C8orf34: variants seen among roughly 807,000 people sequenced by gnomAD.
The protein encoded by C8orf34 is chromosome 8 open reading frame 34.
A neutral mutation model predicts 68.3 loss-of-function variants in C8orf34; 65 were observed. That is an observed-to-expected ratio of 0.95 (90% CI 0.78 to 1.17). The LOEUF is 1.17. Ranked by LOEUF, C8orf34 falls within the 50% of genes most tolerant of loss-of-function variation. C8orf34 has a pLI of 0.00. For missense variants in C8orf34, 664 were observed against 655.4 expected (o/e 1.01, Z -0.14); for synonymous variants, 244 against 241.2 (o/e 1.01, Z -0.11).
rs551263838 is a variant in C8orf34 at position 68,721,243 on chromosome 8, TATG to T, written c.1328-115_1328-113del. 6.9e-5 allele frequency: 45 copies of T among 650,770 alleles called. 1 individual carries two copies. The African/African-American group carries it at 8.4e-4, about 12-fold the overall frequency. 40.3% of individuals were successfully genotyped at this position (650,770 alleles called of 1,614,324 possible). On this transcript the variant is annotated intron_variant, in intron 9 of 13. Coordinates refer to ENST00000518698, the MANE Select transcript of C8orf34 (RefSeq NM_052958.4). ...ACGTTCTATTTTAACTCACAAACAC[TATG>T]ATTTTTTCAACACCCAATTCCATCA...
chr8:68,805,791 G>C (rs1376137733), intron 12 of C8orf34, among the ~76,000 whole-genome samples: 4 of 151,990 alleles, frequency 2.6e-5, no homozygotes, highest in Non-Finnish European at 4.4e-5. Context: ...AGTCCTTTCT[G>C]TTTAACTCAT....
At chr8:68,362,043 C>T (rs978995159) in intron 1 of C8orf34, among the ~76,000 whole-genome samples, 30 of 152,152 alleles carry the variant, frequency 2.0e-4, no homozygotes, top group African/African-American at 6.5e-4. Flanking sequence ...GTAAGAGTCC[C>T]AAGTTATCTG....
chr8:68,789,824 T>TTTA (rs1486573221), intron 12 of C8orf34, among the ~76,000 whole-genome samples: 2 of 152,212 alleles, frequency 1.3e-5, no homozygotes, highest in African/African-American at 4.8e-5. Flanking sequence ...TTATTTATAC[T>TTTA]TTTATTAAAA....
At chr8:68,557,355 T>C (rs191281599) in intron 7 of C8orf34, among the ~76,000 whole-genome samples, 2 of 152,192 alleles carry the variant, frequency 1.3e-5, no homozygotes, top group Non-Finnish European at 2.9e-5. Flanking sequence ...GGAAAACTGA[T>C]CCTAAACTTG....
chr8:68,730,300 G>T (rs1821944358), intron 10 of C8orf34, among the ~76,000 whole-genome samples: 1 of 152,062 alleles, frequency 6.6e-6, no homozygotes, highest in African/African-American at 2.4e-5. Flanking sequence ...TACATATTTT[G>T]CTCAGTCCTA....
chr8:68,698,574 G>C (rs1016159407), intron 8 of C8orf34, among the ~76,000 whole-genome samples: 40 of 152,048 alleles, frequency 2.6e-4, no homozygotes, highest in African/African-American at 8.9e-4. Context: ...GCAGCCTTCA[G>C]TTTCAGCACC....
chr8:68,382,592 A>G lies in C8orf34; in HGVS notation c.327+51253A>G, dbSNP rs181234129. ...TATTTCCCATCATTCCTGGCCTCCC[A>G]TCTATTCCACACAGTAAGATGCTGC... On this transcript the variant is annotated intron_variant, in intron 1 of 13. Coordinates refer to ENST00000518698, the MANE Select transcript of C8orf34 (RefSeq NM_052958.4). Among the ~76,000 whole-genome samples, 141 of 152,222 alleles carry G rather than the reference A, an allele frequency of 9.3e-4. 1 individual carries two copies. Among genetic ancestry groups the G allele is most frequent in the African/African-American group, 3.2e-3 (132 of 41,548 alleles).
intron 8 of C8orf34, among the ~76,000 whole-genome samples, chr8:68,688,321 C>A (rs1820583364): frequency 6.6e-6 from 1 of 152,000 alleles, no homozygotes; most frequent in Non-Finnish European, 1.5e-5. Context: ...TATTGCAGCA[C>A]AATTCGCAAT....
At chr8:68,798,828 C>T (rs1446799187) in intron 12 of C8orf34, among the ~76,000 whole-genome samples, 1 of 151,976 alleles carries the variant, frequency 6.6e-6, no homozygotes, top group Non-Finnish European at 1.5e-5. Context: ...ATTCCTAAGG[C>T]CCTAGAAAAA....
chr8:68,393,331 C>A (rs1808551368), intron 1 of C8orf34, among the ~76,000 whole-genome samples: 1 of 152,078 alleles, frequency 6.6e-6, no homozygotes, highest in Non-Finnish European at 1.5e-5. Flanking sequence ...TTGTTCACTG[C>A]TGCAGGAAAT....
chr8:68,486,700 C>T (rs890919707), intron 4 of C8orf34, among the ~76,000 whole-genome samples: 8 of 152,070 alleles, frequency 5.3e-5, no homozygotes, highest in South Asian at 2.1e-4. Context: ...CATCTATACC[C>T]GAGGCAGGCA....
chr8:68,358,436 G>A (rs1354704496), intron 1 of C8orf34, among the ~76,000 whole-genome samples: 2 of 151,400 alleles, frequency 1.3e-5, no homozygotes, highest in African/African-American at 4.9e-5. Flanking sequence ...ATACTAGATA[G>A]ACCCGCACAG....
chr8:68,573,369 G>A (rs1412807105), intron 7 of C8orf34, among the ~76,000 whole-genome samples: 1 of 152,082 alleles, frequency 6.6e-6, no homozygotes, highest in African/African-American at 2.4e-5. Context: ...TAAGCAGAAT[G>A]TGCACCAGCT....
intron 1 of C8orf34, among the ~76,000 whole-genome samples, chr8:68,431,402 T>C (rs1486670734): frequency 6.6e-6 from 1 of 152,250 alleles, no homozygotes; most frequent in Admixed American, 6.5e-5. Context: ...ATTTAATGTA[T>C]TTGAGTTTTT....
At chr8:68,679,097 G>A (rs1013493989) in intron 8 of C8orf34, among the ~76,000 whole-genome samples, 4 of 151,666 alleles carry the variant, frequency 2.6e-5, no homozygotes, top group African/African-American at 7.2e-5. Context: ...TCAGGAGATC[G>A]AAACACAGTG....
intron 7 of C8orf34, among the ~76,000 whole-genome samples, chr8:68,615,096 T>G: frequency 6.9e-6 from 1 of 145,960 alleles, no homozygotes; most frequent in South Asian, 2.2e-4. Context: ...TGTTTGTCTG[T>G]TATTGGTGTA....
At position 68,785,180 on chromosome 8, in the gene C8orf34, G is replaced by C. The variant is rs186933079; in HGVS notation, c.1456-2263G>C. Among the ~76,000 whole-genome samples, 24 of 151,676 alleles carry C rather than the reference G, an allele frequency of 1.6e-4. 2 individuals are homozygous for C. The highest frequency in any genetic ancestry group is 1.4e-3 in the Admixed American group (22 of 15,224). ...TATCTCACCACTACACTCCAGCCCG[G>C]GCAACAAAGTGAGAGTCTGTCTCAG... On this transcript the variant is annotated intron_variant, in intron 11 of 13. Coordinates refer to ENST00000518698, the MANE Select transcript of C8orf34 (RefSeq NM_052958.4).
chr8:68,685,123 T>G (rs1386892532), intron 8 of C8orf34, among the ~76,000 whole-genome samples: 1 of 152,158 alleles, frequency 6.6e-6, no homozygotes, highest in Non-Finnish European at 1.5e-5. Context: ...AACTCTTTCA[T>G]ACTACGGTAA....
intron 7 of C8orf34, chr8:68,534,942 T>C: frequency 3.0e-6 from 3 of 985,406 alleles, no homozygotes; most frequent in Non-Finnish European, 3.6e-6. Flanking sequence ...TTTTAGCCTG[T>C]GGTCTGAGCA....
Sources: gnomAD v4.1 joint callset for allele counts (sites outside exome capture counted in the v4.1 genomes callset) on GRCh38, gnomAD v4.1.1 for gene constraint, MANE v1.5 for transcripts, NCBI Gene and HGNC (gene_info 2026-07-23, HGNC 2026-07-21) for gene names.